DNER: variants seen among roughly 807,000 people sequenced by gnomAD.
DNER encodes the protein delta/notch like EGF repeat containing.
Under a neutral mutation model 78.2 loss-of-function variants are expected in DNER, and 33 were observed. The observed-to-expected ratio is 0.42, with a 90% CI of 0.32 to 0.56. The LOEUF is 0.56. Ranked by LOEUF, DNER falls within the 20% of genes least tolerant of loss-of-function variation. The probability of loss-of-function intolerance (pLI) is 0.11; values close to 1 mark genes in which losing one functional copy is unlikely to be tolerated. For missense variants in DNER, 918 were observed against 975.3 expected (o/e 0.94, Z 0.78); for synonymous variants, 417 against 384.8 (o/e 1.08, Z -0.98).
intron 4 of DNER, among the ~76,000 whole-genome samples, chr2:229,579,839 A>T (rs1402113518): frequency 6.6e-6 from 1 of 151,862 alleles, no homozygotes; most frequent in South Asian, 2.1e-4. Context: ...ATCTCCAGGG[A>T]AGCATCACTA....
intron 1 of DNER, among the ~76,000 whole-genome samples, chr2:229,688,049 T>C (rs1699515249): frequency 6.6e-6 from 1 of 152,228 alleles, no homozygotes; most frequent in African/African-American, 2.4e-5. Context: ...GCTGGAAACC[T>C]TTCATCTCTC....
chr2:229,533,666 C>T (rs1030097860), intron 5 of DNER, among the ~76,000 whole-genome samples: 1 of 152,134 alleles, frequency 6.6e-6, no homozygotes. Context: ...CATCGTTCAC[C>T]GTGACCTGAG....
chr2:229,591,449 T>C lies in DNER; in HGVS notation c.585+131A>G, dbSNP rs1436015363. 3.6e-6 allele frequency: 4 copies of C among 1,109,092 alleles called. No homozygotes were observed. The highest frequency in any genetic ancestry group is 5.0e-6 in the Non-Finnish European group (4 of 794,400). The allele number at this position is 1,109,092 out of a possible 1,614,324, so 68.7% of individuals were successfully genotyped here. The stretch of plus-strand genomic sequence containing the variant: ...CACACAAATGCAGACAGGAATAAGT[T>C]TAGGGAGATATTTTGCTTCGTGATT... On this transcript the variant is annotated intron_variant, in intron 2 of 12. Transcript: ENST00000341772. The surrounding 1 kb of genome is among the most constrained non-coding windows in gnomAD (Gnocchi z 4.6).
At chr2:229,567,582 A>G (rs1394123567) in intron 4 of DNER, among the ~76,000 whole-genome samples, 11 of 152,228 alleles carry the variant, frequency 7.2e-5, no homozygotes, top group East Asian at 1.9e-4. Context: ...AGCCCTGACC[A>G]TGGAGCAAAG....
intron 5 of DNER, among the ~76,000 whole-genome samples, chr2:229,520,640 T>G (rs1696076819): frequency 6.6e-6 from 1 of 152,204 alleles, no homozygotes; most frequent in Non-Finnish European, 1.5e-5. Context: ...TTTAAGAATC[T>G]GGCTAAGTAC....
At chr2:229,592,613 C>A (rs896658558) in intron 1 of DNER, among the ~76,000 whole-genome samples, 2 of 152,094 alleles carry the variant, frequency 1.3e-5, no homozygotes, top group African/African-American at 2.4e-5. Flanking sequence ...TGCTCATGGT[C>A]TGGGGAAAGT....
At chr2:229,664,920 A>T (rs554567473) in intron 1 of DNER, among the ~76,000 whole-genome samples, 1 of 152,342 alleles carries the variant, frequency 6.6e-6, no homozygotes, top group East Asian at 1.9e-4. Context: ...AGTTACATAT[A>T]ATACTTATTC....
chr2:229,459,288 CT>C (rs1439212941), intron 7 of DNER, among the ~76,000 whole-genome samples: 4 of 151,900 alleles, frequency 2.6e-5, no homozygotes, highest in Non-Finnish European at 5.9e-5. Context: ...AAGTAAGTAG[CT>C]CTTATATGTT....
Position 229,585,819 on chromosome 2 carries a change from A to G in DNER, c.847+39T>C, listed in dbSNP as rs750778563. 4.3e-6 allele frequency: 7 copies of G among 1,610,638 alleles called. No individual in the cohort carries two copies. In the African/African-American group the frequency reaches 9.4e-5, roughly 22 times the overall value. ...CAACACCAAACCAAAGTTGGGTTGAATCAGATGCAGTGTTGAGTAGAAGAT... is the reference window on the plus strand; with the variant it reads ...CAACACCAAACCAAAGTTGGGTTGAGTCAGATGCAGTGTTGAGTAGAAGAT... On this transcript the variant is annotated intron_variant, in intron 4 of 12. Coordinates refer to ENST00000341772, the MANE Select transcript of DNER (RefSeq NM_139072.4).
At chr2:229,418,536 AGT>A (rs1024315382) in intron 8 of DNER, among the ~76,000 whole-genome samples, 2 of 152,006 alleles carry the variant, frequency 1.3e-5, no homozygotes, top group African/African-American at 4.8e-5. Context: ...CCAGTCACTG[AGT>A]GTGTCTGCTG....
intron 1 of DNER, among the ~76,000 whole-genome samples, chr2:229,605,824 G>A (rs374171476): frequency 5.3e-5 from 8 of 152,192 alleles, no homozygotes; most frequent in East Asian, 3.9e-4. Flanking sequence ...CCTAGGAGGC[G>A]GAGGTTGCAG....
intron 10 of DNER, among the ~76,000 whole-genome samples, chr2:229,394,384 C>T (rs1352277008): frequency 6.6e-6 from 1 of 151,768 alleles, no homozygotes; most frequent in African/African-American, 2.4e-5. Context: ...ACAGGCTTCT[C>T]TTCGTAAGTC....
chr2:229,464,819 G>C (rs1694768691), intron 7 of DNER, among the ~76,000 whole-genome samples: 1 of 152,252 alleles, frequency 6.6e-6, no homozygotes, highest in Middle Eastern at 3.4e-3. Context: ...AGAGCCATGT[G>C]AGGGCCCCTA....
intron 10 of DNER, among the ~76,000 whole-genome samples, chr2:229,405,108 A>G (rs903200059): frequency 1.1e-4 from 16 of 152,234 alleles, no homozygotes; most frequent in Non-Finnish European, 2.4e-4. Context: ...AAAATCAGAC[A>G]AAGGATATGA....
chr2:229,670,747 C>T (rs780555414), intron 1 of DNER, among the ~76,000 whole-genome samples: 4 of 152,326 alleles, frequency 2.6e-5, no homozygotes, highest in Middle Eastern at 3.4e-3. Context: ...TATCCCACTC[C>T]GTCCATAGAG....
At chr2:229,380,881 T>C (rs181112024) in intron 11 of DNER, among the ~76,000 whole-genome samples, 14 of 151,938 alleles carry the variant, frequency 9.2e-5, no homozygotes, top group Middle Eastern at 3.4e-3. Flanking sequence ...GCTGAGATCA[T>C]ACCACTGCAC....
chr2:229,558,739 T>C (rs1481124867), intron 4 of DNER, among the ~76,000 whole-genome samples: 1 of 152,012 alleles, frequency 6.6e-6, no homozygotes, highest in African/African-American at 2.4e-5. Flanking sequence ...ATTCAGCAGA[T>C]GTTTGCCGAG....
Position 229,536,176 on chromosome 2 carries a change from A to G in DNER, c.993+10771T>C, listed in dbSNP as rs78108137. Among the ~76,000 whole-genome samples, 739 of 152,328 alleles carry G rather than the reference A, an allele frequency of 4.9e-3. 7 individuals carry two copies. Among genetic ancestry groups the G allele is most frequent in the African/African-American group, 0.016 (682 of 41,570 alleles). On this transcript the variant is annotated intron_variant, in intron 5 of 12. Coordinates refer to ENST00000341772, the MANE Select transcript of DNER (RefSeq NM_139072.4). ...AACTTGCATCTGATGGTCATTGGCT[A>G]GTTACATAGTTAGAGGCTGAGGAAG...
At chr2:229,399,803 G>GA (rs931319700) in intron 10 of DNER, among the ~76,000 whole-genome samples, 3 of 151,944 alleles carry the variant, frequency 2.0e-5, no homozygotes, top group Non-Finnish European at 2.9e-5. Context: ...AATGATGCTT[G>GA]AAAAATTATA....
Sources: gnomAD v4.1 joint callset for allele counts (sites outside exome capture counted in the v4.1 genomes callset) on GRCh38, gnomAD v4.1.1 for gene constraint, Gnocchi (gnomAD v3.1) non-coding constraint, MANE v1.5 for transcripts, NCBI Gene and HGNC (gene_info 2026-07-23, HGNC 2026-07-21) for gene names.